Variants in ATP8A2 observed in about 807,000 individuals in gnomAD.
ATP8A2 encodes phospholipid-transporting ATPase IB.
Under a neutral mutation model 165.6 loss-of-function variants are expected in ATP8A2, and 100 were observed. That is an observed-to-expected ratio of 0.60 (90% CI 0.51 to 0.71). The LOEUF is 0.71. Among genes scored for constraint, ATP8A2 ranks in the 30% least tolerant of loss-of-function variants. The probability of loss-of-function intolerance (pLI) is 0.00; values close to 1 mark genes in which losing one functional copy is unlikely to be tolerated. For synonymous variants in ATP8A2, 543 were observed against 548.8 expected (o/e 0.99, Z 0.15); for missense variants, 1,227 against 1,479.5 (o/e 0.83, Z 2.80).
chr13:25,732,444 T>C (rs1250707965), intron 25 of ATP8A2, among the ~76,000 whole-genome samples: 1 of 152,250 alleles, frequency 6.6e-6, no homozygotes, highest in Non-Finnish European at 1.5e-5. Context: ...TTTGTTGTTG[T>C]TCTGAAATTC....
chr13:25,474,593 C>A (rs1332922427), intron 2 of ATP8A2, among the ~76,000 whole-genome samples: 1 of 151,638 alleles, frequency 6.6e-6, no homozygotes, highest in Non-Finnish European at 1.5e-5. Context: ...AGAATATTAC[C>A]TTTACAGAAA....
At position 25,993,655 on chromosome 13, in the gene ATP8A2, T is replaced by G. The variant is rs150109381; in HGVS notation, c.3378-18876T>G. 8.8e-4 allele frequency among the ~76,000 whole-genome samples: 134 copies of G among 152,330 alleles called. 2 individuals carry two copies. The highest frequency in any genetic ancestry group is 3.1e-3 in the African/African-American group (130 of 41,578). On this transcript the variant is annotated intron_variant, in intron 35 of 36. Transcript: ENST00000381655. ...ACCTTTGTCAAAAATCAGATGGGTA[T>G]GTTTATGTGAGCCTGTTTTTTGTTT...
At chr13:25,795,419 T>C (rs1049660265) in intron 27 of ATP8A2, among the ~76,000 whole-genome samples, 3 of 152,242 alleles carry the variant, frequency 2.0e-5, no homozygotes, top group Admixed American at 2.0e-4. Flanking sequence ...TCGATTTCTT[T>C]TCCATGGCAC....
At chr13:25,512,990 TG>T (rs1314037623) in intron 2 of ATP8A2, among the ~76,000 whole-genome samples, 8 of 72,510 alleles carry the variant, frequency 1.1e-4, no homozygotes, top group Admixed American at 1.0e-3. Flanking sequence ...CCGGACGGGG[TG>T]GCTGGCCGGG....
intron 35 of ATP8A2, among the ~76,000 whole-genome samples, chr13:25,999,441 T>G (rs1956591284): frequency 6.6e-6 from 1 of 152,202 alleles, no homozygotes; most frequent in Admixed American, 6.5e-5. Context: ...CTGTTCCTGC[T>G]GAACCTTTTT....
Position 25,408,995 on chromosome 13 carries a change from C to CAAATTCAT in ATP8A2, c.76+36709_76+36716dup, listed in dbSNP as rs1235592205. 5.3e-5 allele frequency among the ~76,000 whole-genome samples: 8 copies of CAAATTCAT among 152,200 alleles called. No individual in the cohort carries two copies. In the East Asian group the frequency reaches 1.3e-3, roughly 26 times the overall value. On this transcript the variant is annotated intron_variant, in intron 1 of 36. Coordinates refer to ENST00000381655, the MANE Select transcript of ATP8A2 (RefSeq NM_016529.6). ...TTTTAGTACCTTCAATTATAGTTTG[C>CAAATTCAT]AAATTCATAGGTCATTTCATGGAAT...
In ATP8A2 at chr13:25,595,017, C is replaced by T. The variant is rs189065136; in HGVS notation, c.2211+5318C>T. 6.8e-3 allele frequency among the ~76,000 whole-genome samples: 944 copies of T among 138,664 alleles called. 8 individuals carry two copies. Among genetic ancestry groups the T allele is most frequent in the Middle Eastern group, 0.016 (4 of 252 alleles). The allele number at this position is 138,664 out of a possible 152,430, so 91.0% of individuals were successfully genotyped here. On this transcript the variant is annotated intron_variant, in intron 24 of 36. Transcript: ENST00000381655. ...ATATATATATATATATGTATGTATG[C>T]GTATATGTATATGTATATATATATA...
chr13:25,770,602 G>A (rs2044598870), intron 26 of ATP8A2, among the ~76,000 whole-genome samples: 3 of 152,132 alleles, frequency 2.0e-5, no homozygotes, highest in Non-Finnish European at 4.4e-5. Context: ...TTTCTCTACT[G>A]CAGTTCTTCT....
chr13:25,378,099 A>G (rs1433205369), intron 1 of ATP8A2, among the ~76,000 whole-genome samples: 2 of 151,884 alleles, frequency 1.3e-5, no homozygotes, highest in Non-Finnish European at 2.9e-5. Context: ...TGGACAACAG[A>G]GCGAGACCCT....
chr13:25,443,031 C>T (rs948504941), intron 1 of ATP8A2, among the ~76,000 whole-genome samples: 1 of 152,162 alleles, frequency 6.6e-6, no homozygotes, highest in Non-Finnish European at 1.5e-5. Flanking sequence ...AATAGTTGCA[C>T]AATTTTTTGA....
intron 1 of ATP8A2, among the ~76,000 whole-genome samples, chr13:25,432,026 A>G (rs910035015): frequency 6.6e-6 from 1 of 152,190 alleles, no homozygotes; most frequent in African/African-American, 2.4e-5. Flanking sequence ...TACTTAGTAC[A>G]ATATTTTCAG....
In ATP8A2 at chr13:25,566,649, TG is replaced by T. The variant is rs544293651; in HGVS notation, c.1473+2620del. On this transcript the variant is annotated intron_variant, in intron 16 of 36. Transcript: ENST00000381655. ...AAGGAAATAAGATGAGCAGCGTGTA[TG>T]GAACATCACAGAATTCCAGTAATGG... is the stretch of plus-strand genomic sequence containing the variant. 6.2e-4 allele frequency among the ~76,000 whole-genome samples: 95 copies of T among 152,328 alleles called. 1 individual carries two copies. In the South Asian group the frequency reaches 0.018, roughly 29 times the overall value.
chr13:25,634,100 A>G (rs572817060), intron 24 of ATP8A2, among the ~76,000 whole-genome samples: 36 of 152,354 alleles, frequency 2.4e-4, no homozygotes, highest in African/African-American at 7.7e-4. Flanking sequence ...GTATCTAAAT[A>G]TCTGAAAACT....
chr13:25,720,657 G>A (rs1419211074), intron 25 of ATP8A2, among the ~76,000 whole-genome samples: 2 of 152,236 alleles, frequency 1.3e-5, no homozygotes, highest in Non-Finnish European at 1.5e-5. Flanking sequence ...ATGGCTCATC[G>A]TGCCCACCCC....
chr13:25,767,060 T>A (rs984380085), intron 25 of ATP8A2, among the ~76,000 whole-genome samples: 1 of 152,226 alleles, frequency 6.6e-6, no homozygotes, highest in African/African-American at 2.4e-5. Flanking sequence ...CCTTTAACTG[T>A]GGCTCCCAGG....
At chr13:26,012,714 GCCGGGT>G in intron 36 of ATP8A2, 92 bp downstream of exon 36, 1 of 257,104 alleles carries the variant, frequency 3.9e-6, no homozygotes, top group Non-Finnish European at 6.8e-6. Context: ...CTGATGGGGG[GCCGGGT>G]GAGTGCTGAC....
At chr13:25,553,996 A>G in intron 12 of ATP8A2, 76 bp downstream of exon 12, 2 of 1,441,346 alleles carry the variant, frequency 1.4e-6, no homozygotes, top group East Asian at 2.3e-5. Context: ...TGAGCACTCA[A>G]AAAAGAAGAA....
intron 2 of ATP8A2, among the ~76,000 whole-genome samples, chr13:25,508,128 A>C (rs1261027427): frequency 6.6e-6 from 1 of 152,238 alleles, no homozygotes; most frequent in African/African-American, 2.4e-5. Context: ...GCATGCAAAT[A>C]ATACACCAAC....
chr13:25,537,279 C>G (rs555286746), intron 6 of ATP8A2, among the ~76,000 whole-genome samples: 65 of 152,254 alleles, frequency 4.3e-4, no homozygotes, highest in Non-Finnish European at 7.8e-4. Flanking sequence ...TTCAGGTGCA[C>G]TTTTCATGGG....
Sources: allele counts gnomAD v4.1 joint callset (sites outside exome capture counted in the v4.1 genomes callset), GRCh38; gene constraint gnomAD v4.1.1; transcripts MANE v1.5; gene names NCBI Gene and HGNC (gene_info 2026-07-23, HGNC 2026-07-21).